The following CDH4 variants were observed in gnomAD, a reference collection of about 807,000 sequenced individuals.
The protein encoded by CDH4 is cadherin-4.
A neutral mutation model predicts 86.0 loss-of-function variants in CDH4; 33 were observed. That is an observed-to-expected ratio of 0.38 (90% CI 0.29 to 0.51). CDH4 has a LOEUF of 0.51. CDH4 is among the 20% of genes least tolerant of loss of function. CDH4 has a pLI of 0.86. For synonymous variants in CDH4, 555 were observed against 549.4 expected (o/e 1.01, Z -0.14); for missense variants, 1,114 against 1,307.4 (o/e 0.85, Z 2.28).
chr20:61,319,226 G>C (rs2084494820), intron 2 of CDH4, among the ~76,000 whole-genome samples: 1 of 151,732 alleles, frequency 6.6e-6, no homozygotes, highest in Non-Finnish European at 1.5e-5. Flanking sequence ...ACAATAAGCA[G>C]GTGCATTATT....
intron 8 of CDH4, 151 bp downstream of exon 8, chr20:61,895,198 G>A: frequency 4.2e-6 from 4 of 941,502 alleles, no homozygotes; most frequent in South Asian, 1.6e-5. Flanking sequence ...GGAGGCTGCT[G>A]TGTGGAGTGG....
intron 2 of CDH4, among the ~76,000 whole-genome samples, chr20:61,720,971 T>C (rs1391809276): frequency 6.6e-6 from 1 of 152,124 alleles, no homozygotes; most frequent in Non-Finnish European, 1.5e-5. Context: ...GCATTGTGCT[T>C]GGTCAGATCC....
chr20:61,368,016 G>A (rs1316585205), intron 2 of CDH4, among the ~76,000 whole-genome samples: 3 of 151,754 alleles, frequency 2.0e-5, no homozygotes, highest in African/African-American at 7.3e-5. Context: ...GATTACAGGT[G>A]CCCACCACCA....
chr20:61,693,347 G>A lies in CDH4; in HGVS notation c.170-50216G>A, dbSNP rs377363195. ...GCCTGCTCTGCTCCAATGCTGTGCT[G>A]GAAATGTGGGGGAGGCCTGGGGAGT... On this transcript the variant is annotated intron_variant, in intron 2 of 15. Transcript: ENST00000614565. Among the ~76,000 whole-genome samples the A allele has an allele frequency of 1.2e-3, 178 of 152,334 alleles. 4 individuals are homozygous for A. In the South Asian group the frequency reaches 0.036, roughly 31 times the overall value.
At position 61,684,538 on chromosome 20, in the gene CDH4, A is replaced by G. The variant is rs2087553250; in HGVS notation, c.170-59025A>G. Among the ~76,000 whole-genome samples, 1 of 152,214 alleles carries G rather than the reference A, an allele frequency of 6.6e-6. No individual in the cohort carries two copies. Among genetic ancestry groups the G allele is most frequent in the Non-Finnish European group, 1.5e-5 (1 of 68,034 alleles). ...CTGTTCCATATCACACACAAGGTCCAGCCCCCTGTGTTGTTCTGCAGCTGG... is the reference window on the plus strand; with the variant it reads ...CTGTTCCATATCACACACAAGGTCCGGCCCCCTGTGTTGTTCTGCAGCTGG... On this transcript the variant is annotated intron_variant, in intron 2 of 15. Coordinates refer to ENST00000614565, the MANE Select transcript of CDH4 (RefSeq NM_001794.5). This position sits in a 1 kb window ranked among gnomAD's most constrained non-coding sequence, Gnocchi z 4.5.
Position 61,709,614 on chromosome 20 carries a change from A to G in CDH4, c.170-33949A>G, listed in dbSNP as rs1032379250. ...AATTTTTTTTTTTTTATCGCTGGCT[A>G]ATCACAGAGTGAGCAGAGGTGCATG... On this transcript the variant is annotated intron_variant, in intron 2 of 15. Coordinates refer to ENST00000614565, the MANE Select transcript of CDH4 (RefSeq NM_001794.5). The surrounding 1 kb of genome is among the most constrained non-coding windows in gnomAD (Gnocchi z 4.8). Among the ~76,000 whole-genome samples, 4 of 151,468 alleles carry G rather than the reference A, an allele frequency of 2.6e-5. No homozygotes were observed. The highest frequency in any genetic ancestry group is 3.2e-3 in the Middle Eastern group (1 of 316).
intron 2 of CDH4, among the ~76,000 whole-genome samples, chr20:61,408,355 T>C (rs2085096043): frequency 1.3e-5 from 2 of 152,058 alleles, no homozygotes; most frequent in African/African-American, 4.8e-5. Context: ...TGGTGTTGCC[T>C]GGGAATGGAT....
rs536155940 is a variant in CDH4 at position 61,695,912 on chromosome 20, C to T, written c.170-47651C>T. On this transcript the variant is annotated intron_variant, in intron 2 of 15. Coordinates refer to ENST00000614565, the MANE Select transcript of CDH4 (RefSeq NM_001794.5). Reference sequence around the variant, plus strand: ...GGATGCAGCTCCTCCTGTGGGGTCTCCAGGCCCGGCCTCACCCACCCGCTG... The same window carrying T: ...GGATGCAGCTCCTCCTGTGGGGTCTTCAGGCCCGGCCTCACCCACCCGCTG... Among the ~76,000 whole-genome samples the T allele has an allele frequency of 2.6e-5, 4 of 152,290 alleles. 1 individual carries two copies. In the South Asian group the frequency reaches 8.3e-4, roughly 32 times the overall value.
intron 2 of CDH4, among the ~76,000 whole-genome samples, chr20:61,643,824 G>A (rs891490478): frequency 1.3e-5 from 2 of 152,178 alleles, no homozygotes; most frequent in South Asian, 2.1e-4. Context: ...AGTTCCCCTC[G>A]TCATATGTGC....
chr20:61,932,283 AG>A (rs201393439), intron 13 of CDH4, among the ~76,000 whole-genome samples: 3,491 of 152,284 alleles, frequency 0.023, 56 homozygotes, highest in African/African-American at 0.037. Flanking sequence ...CCTTCTCAAA[AG>A]GGGAGTGCAA....
At chr20:61,532,230 CG>C (rs2085960327) in intron 2 of CDH4, among the ~76,000 whole-genome samples, 1 of 152,236 alleles carries the variant, frequency 6.6e-6, no homozygotes, top group Non-Finnish European at 1.5e-5. Context: ...CCCTGAGCAC[CG>C]TGAGTTTGCT....
chr20:61,454,807 C>CAA (rs1195928952), intron 2 of CDH4, among the ~76,000 whole-genome samples: 1 of 152,086 alleles, frequency 6.6e-6, no homozygotes, highest in African/African-American at 2.4e-5. Context: ...AGGTCTGTGG[C>CAA]AAACGCAGGA....
At chr20:61,722,220 T>C (rs1473012453) in intron 2 of CDH4, among the ~76,000 whole-genome samples, 2 of 152,144 alleles carry the variant, frequency 1.3e-5, no homozygotes, top group South Asian at 4.2e-4. Context: ...AGTGACATTG[T>C]ATTTATTGCA....
intron 4 of CDH4, among the ~76,000 whole-genome samples, chr20:61,778,428 C>T (rs1485041632): frequency 1.3e-5 from 2 of 152,250 alleles, no homozygotes; most frequent in East Asian, 3.9e-4. Flanking sequence ...TAATTACAGG[C>T]TTTTTCCTTG....
chr20:61,867,553 A>AG (rs1600723231), intron 6 of CDH4, among the ~76,000 whole-genome samples: 10 of 79,576 alleles, frequency 1.3e-4, no homozygotes, highest in East Asian at 7.0e-4. Flanking sequence ...CCATCCAAAA[A>AG]AAAAAAAAAG....
intron 2 of CDH4, among the ~76,000 whole-genome samples, chr20:61,625,085 T>TAA (rs2086817656): frequency 6.6e-6 from 1 of 152,156 alleles, no homozygotes; most frequent in Non-Finnish European, 1.5e-5. Flanking sequence ...CCTGGGCCTC[T>TAA]CGTGTTGCCC....
intron 2 of CDH4, among the ~76,000 whole-genome samples, chr20:61,728,430 G>A (rs1444178986): frequency 6.6e-6 from 1 of 152,110 alleles, no homozygotes; most frequent in African/African-American, 2.4e-5. Flanking sequence ...TTTCAAGGAA[G>A]GGCTCAAGGG....
chr20:61,836,098 C>T (rs1379411306), intron 4 of CDH4, among the ~76,000 whole-genome samples: 1 of 152,230 alleles, frequency 6.6e-6, no homozygotes, highest in Non-Finnish European at 1.5e-5. Context: ...ATTCTTGACT[C>T]CAGGTCCACA....
chr20:61,452,729 A>AT (rs550873207), intron 2 of CDH4, among the ~76,000 whole-genome samples: 14 of 151,706 alleles, frequency 9.2e-5, no homozygotes, highest in African/African-American at 1.7e-4. Context: ...TTTGTGATGC[A>AT]TTTTTTTTTA....
Sources: gnomAD v4.1 joint callset for allele counts (sites outside exome capture counted in the v4.1 genomes callset) on GRCh38, gnomAD v4.1.1 for gene constraint, Gnocchi (gnomAD v3.1) non-coding constraint, MANE v1.5 for transcripts, NCBI Gene and HGNC (gene_info 2026-07-23, HGNC 2026-07-21) for gene names.